HADH: variants seen among roughly 807,000 people sequenced by gnomAD.
The protein encoded by HADH is hydroxyacyl-coenzyme A dehydrogenase, mitochondrial.
In HADH, 24 loss-of-function variants were observed where a neutral mutation model predicts 32.2. The observed-to-expected ratio is 0.75, with a 90% CI of 0.54 to 1.05. The LOEUF (loss-of-function observed/expected upper bound fraction) is 1.05. Among genes scored for constraint, HADH ranks in the 50% least tolerant of loss-of-function variants. The pLI is 0.00. For missense variants in HADH, 350 were observed against 397.1 expected (o/e 0.88, Z 1.01); for synonymous variants, 139 against 152.5 (o/e 0.91, Z 0.65).
intron 1 of HADH, among the ~76,000 whole-genome samples, chr4:107,990,887 T>A (rs994460389): frequency 6.6e-6 from 1 of 151,908 alleles, no homozygotes; most frequent in Non-Finnish European, 1.5e-5. Flanking sequence ...GTAGCTGGGA[T>A]TACAGGCGCC....
At chr4:108,004,321 C>T (rs1189154083) in intron 1 of HADH, 1 of 277,218 alleles carries the variant, frequency 3.6e-6, no homozygotes, top group Non-Finnish European at 7.0e-6. Context: ...TTTGGTCCAT[C>T]CCTAGGGGAG....
chr4:108,003,466 C>T (rs1177031309), intron 1 of HADH, among the ~76,000 whole-genome samples: 1 of 152,116 alleles, frequency 6.6e-6, no homozygotes, highest in Non-Finnish European at 1.5e-5. Flanking sequence ...CAAATCATAG[C>T]CAGGTTTTAA....
Position 108,034,235 on chromosome 4 carries a change from A to G in HADH, c.827-4A>G. 1.3e-6 allele frequency: 2 copies of G among 1,572,106 alleles called. No homozygotes were observed. Among genetic ancestry groups the G allele is most frequent in the Non-Finnish European group, 1.8e-6 (2 of 1,141,596 alleles). The stretch of plus-strand genomic sequence containing the variant: ...TCCTGAGTTCTCTTCCCTCCGCTCA[A>G]TAGGGTGGCATGAAATGGATGCAGA... On this transcript the variant is annotated splice_polypyrimidine_tract_variant and splice_region_variant and intron_variant, in intron 7 of 7. Transcript: ENST00000309522.
intron 3 of HADH, among the ~76,000 whole-genome samples, chr4:108,017,352 C>T (rs1048093926): frequency 3.3e-5 from 5 of 152,136 alleles, no homozygotes; most frequent in Non-Finnish European, 7.4e-5. Flanking sequence ...AAAGTACAGA[C>T]TCTTGAATCC....
chr4:108,001,168 G>C (rs987108697), intron 1 of HADH, among the ~76,000 whole-genome samples: 1 of 152,214 alleles, frequency 6.6e-6, no homozygotes, highest in Non-Finnish European at 1.5e-5. Flanking sequence ...GCAGTTAATG[G>C]TTGGGATTAA....
chr4:108,033,697 T>A (rs1736356620), intron 7 of HADH, among the ~76,000 whole-genome samples: 1 of 152,256 alleles, frequency 6.6e-6, no homozygotes, highest in African/African-American at 2.4e-5. Context: ...ACATCCATTT[T>A]AAAAAATATA....
At chr4:108,019,482 A>G in intron 3 of HADH, 58 bp from the exon 4 acceptor site, 1 of 1,513,658 alleles carries the variant, frequency 6.6e-7, no homozygotes, top group South Asian at 1.1e-5. Flanking sequence ...TCCAAGAGTC[A>G]TGCTGTTTTG....
At chr4:108,007,424 G>C (rs1454687049) in intron 1 of HADH, among the ~76,000 whole-genome samples, 2 of 152,150 alleles carry the variant, frequency 1.3e-5, no homozygotes, top group African/African-American at 4.8e-5. Context: ...AGTTCTTTCT[G>C]AGGGTAGGTA....
At chr4:108,020,021 G>A (rs1415581921) in intron 4 of HADH, among the ~76,000 whole-genome samples, 1 of 152,156 alleles carries the variant, frequency 6.6e-6, no homozygotes, top group Non-Finnish European at 1.5e-5. Context: ...TTATCTCGTC[G>A]AGGTCAGCTT....
intron 5 of HADH, chr4:108,023,764 G>A (rs1735972078): frequency 1.7e-6 from 1 of 590,730 alleles, no homozygotes; most frequent in Non-Finnish European, 3.1e-6. Context: ...CCATGCCTAA[G>A]GCCATTATGT....
chr4:108,033,037 C>T, intron 6 of HADH, 139 bp from the exon 7 acceptor site: 1 of 744,338 alleles, frequency 1.3e-6, no homozygotes, highest in South Asian at 1.4e-5. Context: ...GGAAATCTTA[C>T]CCAAGCCAGA....
chr4:108,006,167 ACCTTT>A (rs1735285418), intron 1 of HADH, among the ~76,000 whole-genome samples: 1 of 152,158 alleles, frequency 6.6e-6, no homozygotes, highest in Non-Finnish European at 1.5e-5. Flanking sequence ...GTGGGGCTTG[ACCTTT>A]CCTTAGGGAG....
chr4:108,009,977 C>CTTTT (rs11388783), intron 2 of HADH, 90 bp downstream of exon 2: 78 of 551,870 alleles, frequency 1.4e-4, no homozygotes, highest in Non-Finnish European at 1.5e-4. Context: ...TTCTTTCTTT[C>CTTTT]TTTTTTTTTT....
At chr4:107,996,422 G>A (rs2126218858) in intron 1 of HADH, among the ~76,000 whole-genome samples, 1 of 152,262 alleles carries the variant, frequency 6.6e-6, no homozygotes, top group African/African-American at 2.4e-5. Flanking sequence ...TGAGAAGTCT[G>A]GGAGAGGTTA....
intron 6 of HADH, chr4:108,032,202 A>G: frequency 1.7e-6 from 1 of 591,942 alleles, no homozygotes; most frequent in Non-Finnish European, 3.1e-6. Context: ...GTTGCAGACT[A>G]TTCTACTTTT....
At chr4:108,019,234 G>C (rs1328638340) in intron 3 of HADH, among the ~76,000 whole-genome samples, 2 of 152,170 alleles carry the variant, frequency 1.3e-5, no homozygotes, top group Non-Finnish European at 2.9e-5. Flanking sequence ...ACATACCTTG[G>C]AAGTTAACTA....
At chr4:107,999,926 A>G (rs1735070309) in intron 1 of HADH, among the ~76,000 whole-genome samples, 1 of 152,026 alleles carries the variant, frequency 6.6e-6, no homozygotes, top group African/African-American at 2.4e-5. Flanking sequence ...TATAGTGTGT[A>G]TATATATCTT....
At chr4:107,998,563 C>A (rs1185255900) in intron 1 of HADH, among the ~76,000 whole-genome samples, 2 of 152,098 alleles carry the variant, frequency 1.3e-5, no homozygotes, top group Non-Finnish European at 2.9e-5. Flanking sequence ...CAAGTGTGAG[C>A]TACCGCGCCC....
chr4:108,026,817 C>T (rs925565359), intron 5 of HADH: 17 of 152,236 alleles, frequency 1.1e-4, no homozygotes, highest in African/African-American at 4.1e-4. Context: ...GAGGAGGCAC[C>T]ATTTGCCTAG....
Sources: allele counts gnomAD v4.1 joint callset (sites outside exome capture counted in the v4.1 genomes callset), GRCh38; gene constraint gnomAD v4.1.1; transcripts MANE v1.5; gene names NCBI Gene and HGNC (gene_info 2026-07-23, HGNC 2026-07-21).